The following KLF7 variants were observed in gnomAD, a reference collection of about 807,000 sequenced individuals.
KLF7 encodes the protein KLF transcription factor 7, also known as Krueppel-like factor 7.
In KLF7, 2 loss-of-function variants were observed where a neutral mutation model predicts 27.3. That is an observed-to-expected ratio of 0.07 (90% confidence interval 0.03 to 0.23). The LOEUF is 0.23. KLF7 is among the 10% of genes least tolerant of loss of function. The pLI is 1.00. For missense variants in KLF7, 221 were observed against 394.1 expected (o/e 0.56, Z 3.72); for synonymous variants, 165 against 162.4 (o/e 1.02, Z -0.12).
chr2:207,095,919 CT>C (rs1490709536), intron 2 of KLF7, among the ~76,000 whole-genome samples: 1 of 150,212 alleles, frequency 6.7e-6, no homozygotes, highest in Non-Finnish European at 1.5e-5. Flanking sequence ...TTTTATTTAA[CT>C]TTTTTAAAAA....
Position 207,076,050 on chromosome 2 carries a change from T to A in KLF7, c.*5163A>T, listed in dbSNP as rs1553518615. The A allele has an allele frequency of 6.9e-6, 1 of 145,878 alleles. No individual in the cohort carries two copies. The highest frequency in any genetic ancestry group is 1.5e-5 in the Non-Finnish European group (1 of 66,486). 9.0% of individuals were successfully genotyped at this position (145,878 alleles called of 1,614,324 possible). ...ATATACTGGCAATTATAAGCATCCA[T>A]CCCCCCCAAAAGATATTAGGCACTG... On this transcript the variant is annotated 3_prime_UTR_variant, in exon 4 of 4. Transcript: ENST00000309446.
chr2:207,096,173 G>T (rs979814719), intron 2 of KLF7, among the ~76,000 whole-genome samples: 1 of 152,186 alleles, frequency 6.6e-6, no homozygotes, highest in Non-Finnish European at 1.5e-5. Context: ...ATTTTTAACT[G>T]TGAGAAAGCT....
intron 1 of KLF7, among the ~76,000 whole-genome samples, chr2:207,161,179 T>C (rs890596676): frequency 1.3e-5 from 2 of 152,222 alleles, no homozygotes; most frequent in Non-Finnish European, 2.9e-5. Flanking sequence ...AAGTGTGTGA[T>C]TGATTGCAGT....
intron 1 of KLF7, chr2:207,149,033 T>A: frequency 8.5e-7 from 1 of 1,175,606 alleles, no homozygotes; most frequent in Admixed American, 3.7e-5. Flanking sequence ...AACAAAGGAA[T>A]GTCTCCTTAC....
intron 1 of KLF7, among the ~76,000 whole-genome samples, chr2:207,145,411 A>T (rs2078071843): frequency 6.6e-6 from 1 of 152,246 alleles, no homozygotes; most frequent in Admixed American, 6.5e-5. Context: ...ATAAAGTATG[A>T]CAACTTTTTT....
upstream of KLF7, chr2:207,166,442 C>T (rs1453916916): frequency 1.3e-5 from 2 of 153,260 alleles, no homozygotes; most frequent in South Asian, 2.1e-4. Flanking sequence ...CGCCAGCTCC[C>T]GGGACGGCTG....
rs1016153060 is a variant in KLF7, at chr2:207,141,791, G to T, written c.103-17387C>A. 3.2e-4 allele frequency among the ~76,000 whole-genome samples: 48 copies of T among 152,138 alleles called. 1 individual carries two copies. Among genetic ancestry groups the T allele is most frequent in the African/African-American group, 1.1e-3 (46 of 41,432 alleles). On this transcript the variant is annotated intron_variant, in intron 1 of 3. Coordinates refer to ENST00000309446, the MANE Select transcript of KLF7 (RefSeq NM_003709.4). The stretch of plus-strand genomic sequence containing the variant: ...AAAAAAACAGAGGCATATTTGGGCA[G>T]TTCTTTCTTCCCTGTGGATCCAAAT...
rs34218929 is a variant in KLF7, at chr2:207,150,997, T to TAAAAA, written c.102+14465_102+14469dup. 4.3e-3 allele frequency among the ~76,000 whole-genome samples: 387 copies of TAAAAA among 90,246 alleles called. 6 individuals carry two copies. The highest frequency in any genetic ancestry group is 6.8e-3 in the African/African-American group (158 of 23,382). 59.2% of individuals were successfully genotyped at this position (90,246 alleles called of 152,430 possible). On this transcript the variant is annotated intron_variant, in intron 1 of 3. Transcript: ENST00000309446. ...TGAGTGTAAGACCTGTTCTCTTTAT[T>TAAAAA]AAAAAAAAAAAAAAAAAAAGGAAGA...
chr2:207,076,407 T>G lies in KLF7; in HGVS notation c.*4806A>C, dbSNP rs1410231271. ...TTCTCTCTCTGTTTTTGACACCTGT[T>G]TCCCGAGGACTTTTATGTTAAATGC... On this transcript the variant is annotated 3_prime_UTR_variant, in exon 4 of 4. Transcript: ENST00000309446. 6.6e-6 allele frequency: 1 copy of G among 152,172 alleles called. No individual in the cohort carries two copies. Among genetic ancestry groups the G allele is most frequent in the Non-Finnish European group, 1.5e-5 (1 of 68,030 alleles). 9.4% of individuals were successfully genotyped at this position (152,172 alleles called of 1,614,324 possible).
chr2:207,100,038 G>A (rs919352235), intron 2 of KLF7, among the ~76,000 whole-genome samples: 1 of 152,210 alleles, frequency 6.6e-6, no homozygotes, highest in Admixed American at 6.5e-5. Flanking sequence ...ACTGAGGTGA[G>A]AGGATCACTT....
At chr2:207,132,891 T>A (rs2077675770) in intron 1 of KLF7, among the ~76,000 whole-genome samples, 1 of 152,258 alleles carries the variant, frequency 6.6e-6, no homozygotes, top group Non-Finnish European at 1.5e-5. Context: ...AGGGACATGA[T>A]GGCCCATGCA....
intron 2 of KLF7, among the ~76,000 whole-genome samples, chr2:207,120,474 A>T (rs950775851): frequency 5.9e-5 from 9 of 152,194 alleles, no homozygotes; most frequent in Admixed American, 6.5e-5. Flanking sequence ...TATAGAAGAG[A>T]TACAGCATAT....
At chr2:207,147,368 G>C (rs892350187) in intron 1 of KLF7, among the ~76,000 whole-genome samples, 1 of 152,044 alleles carries the variant, frequency 6.6e-6, no homozygotes, top group African/African-American at 2.4e-5. Context: ...AACAGAAAAG[G>C]TATAAAAAGT....
chr2:207,112,843 AT>A (rs1336912214), intron 2 of KLF7, among the ~76,000 whole-genome samples: 1 of 152,266 alleles, frequency 6.6e-6, no homozygotes, highest in Non-Finnish European at 1.5e-5. Flanking sequence ...TTGATTTTAG[AT>A]TTTGCATCAC....
intron 1 of KLF7, among the ~76,000 whole-genome samples, chr2:207,125,899 T>C (rs1398514693): frequency 6.6e-6 from 1 of 152,210 alleles, no homozygotes; most frequent in Non-Finnish European, 1.5e-5. Context: ...AAAAATTACA[T>C]AAACTCACAT....
chr2:207,081,852 C>CAA (rs35500565), intron 3 of KLF7, among the ~76,000 whole-genome samples: 124 of 107,710 alleles, frequency 1.2e-3, no homozygotes, highest in Non-Finnish European at 1.8e-3. Context: ...ATATTCAAGT[C>CAA]AAAAAAAAAA....
At chr2:207,173,413 G>GT in the KLF7 span, among the ~76,000 whole-genome samples, 5 of 152,060 alleles carry the variant, frequency 3.3e-5, no homozygotes, top group East Asian at 1.9e-4. Flanking sequence ...TAATATGTGT[G>GT]TTTTTTGTGA....
At chr2:207,109,680 T>G (rs1574470111) in intron 2 of KLF7, among the ~76,000 whole-genome samples, 1 of 152,306 alleles carries the variant, frequency 6.6e-6, no homozygotes, top group African/African-American at 2.4e-5. Context: ...ATTGCCTTCT[T>G]ACTCCCAAAG....
chr2:207,160,125 G>C (rs2078500874), intron 1 of KLF7, among the ~76,000 whole-genome samples: 1 of 152,174 alleles, frequency 6.6e-6, no homozygotes, highest in African/African-American at 2.4e-5. Flanking sequence ...TGAATAATTA[G>C]ACACTATAAT....
Sources: gnomAD v4.1 joint callset for allele counts (sites outside exome capture counted in the v4.1 genomes callset) on GRCh38, gnomAD v4.1.1 for gene constraint, MANE v1.5 for transcripts, NCBI Gene and HGNC (gene_info 2026-07-23, HGNC 2026-07-21) for gene names.